The following IGHMBP2 variants were observed in gnomAD, a reference collection of about 807,000 sequenced individuals.
IGHMBP2 encodes the protein immunoglobulin mu DNA binding protein 2.
IGHMBP2 carries 81 observed loss-of-function variants against 96.0 expected under a neutral mutation model. The ratio of observed to expected loss-of-function variants is 0.84; its 90% CI spans 0.71 to 1.01. The LOEUF is 1.01. Ranked by LOEUF, IGHMBP2 falls within the 50% of genes least tolerant of loss-of-function variation. The probability of loss-of-function intolerance (pLI) is 0.00; values close to 1 mark genes in which losing one functional copy is unlikely to be tolerated. For missense variants in IGHMBP2, 1,227 were observed against 1,306.3 expected (o/e 0.94, Z 0.94); for synonymous variants, 557 against 548.9 (o/e 1.01, Z -0.21).
At chr11:68,927,950 C>T (rs955407928) in intron 7 of IGHMBP2, among the ~76,000 whole-genome samples, 3 of 152,182 alleles carry the variant, frequency 2.0e-5, no homozygotes, top group Non-Finnish European at 4.4e-5. Flanking sequence ...TCAGTGCCAC[C>T]GAGCTCCCGT....
Position 68,933,418 on chromosome 11 carries a change from C to T in IGHMBP2, c.1355C>T (p.Ala452Val). Residue 452 changes from alanine (A) to valine (V), a missense_variant, in exon 9 of 15, where the codon GCC becomes GTC. Transcript: ENST00000255078. ...YRMHQAIMRWASDTMYLGQLT... is the reference protein window; with the variant it reads ...YRMHQAIMRWVSDTMYLGQLT... ...ATGCACCAGGCTATCATGCGCTGGGCCTCAGACACCATGTACCTTGGGCAG... is the reference window on the plus strand; with the variant it reads ...ATGCACCAGGCTATCATGCGCTGGGTCTCAGACACCATGTACCTTGGGCAG... The T allele has an allele frequency of 6.2e-7, 1 of 1,613,346 alleles. No homozygotes were observed. The highest frequency in any genetic ancestry group is 8.5e-7 in the Non-Finnish European group (1 of 1,179,924).
intron 5 of IGHMBP2, among the ~76,000 whole-genome samples, chr11:68,912,444 A>T (rs1858476509): frequency 6.6e-6 from 1 of 151,774 alleles, no homozygotes; most frequent in Admixed American, 6.6e-5. Flanking sequence ...TACATTTTTA[A>T]TGGCTGAAAA....
At chr11:68,939,415 G>A (rs547518898) in intron 14 of IGHMBP2, 119 bp from the exon 15 acceptor site, 9 of 1,014,678 alleles carry the variant, frequency 8.9e-6, no homozygotes, top group South Asian at 2.7e-5. Flanking sequence ...CTGACATGGC[G>A]GGAGGAGTGG....
Position 68,937,043 on chromosome 11 carries a change from G to A in IGHMBP2, c.2563G>A (p.Ala855Thr), listed in dbSNP as rs1414095632. 1 of 1,606,590 alleles carries A rather than the reference G, an allele frequency of 6.2e-7. No homozygotes were observed. Among genetic ancestry groups the A allele is most frequent in the Non-Finnish European group, 8.5e-7 (1 of 1,179,954 alleles). The change falls in exon 13 of 15, where the codon GCC (alanine) becomes ACC (threonine). Residue 855 changes from alanine to threonine, a missense_variant. Around this residue, in one of 3 missense-constraint regions of IGHMBP2, gnomAD observed 703 missense variants for 770.3 expected, o/e 0.91. Transcript: ENST00000255078. ...QGQPASKEQQ[A>T]SGQQKLPEKK... ...GCAGCCCGCCAGCAAGGAGCAGCAG[G>A]CCTCAGGGCAGCAGAAACTTCCAGA...
chr11:68,915,971 C>T (rs572805561), intron 6 of IGHMBP2, among the ~76,000 whole-genome samples: 2 of 151,546 alleles, frequency 1.3e-5, no homozygotes, highest in South Asian at 4.2e-4. Context: ...GTCAGGAGTT[C>T]GAGACCAGCC....
At chr11:68,930,420 C>G (rs1408777973) in intron 8 of IGHMBP2, 3 of 1,289,410 alleles carry the variant, frequency 2.3e-6, no homozygotes, top group Non-Finnish European at 3.0e-6. Context: ...GCGTGGGCAG[C>G]CCAGGAGTTG....
At position 68,939,743 on chromosome 11, in the gene IGHMBP2, CT is replaced by C. The variant is rs1307241146; in HGVS notation, c.*14del. Reference sequence around the variant, plus strand: ...AGAGGGGGACGTGACCGGCCGCATCCTTGCACGCCCCGCGGAGCTCTCTCCA... The same window carrying C: ...AGAGGGGGACGTGACCGGCCGCATCCTGCACGCCCCGCGGAGCTCTCTCCA... On this transcript the variant is annotated 3_prime_UTR_variant, in exon 15 of 15. Transcript: ENST00000255078. 6.3e-7 allele frequency: 1 copy of C among 1,599,004 alleles called. No individual in the cohort carries two copies. Among genetic ancestry groups the C allele is most frequent in the African/African-American group, 1.3e-5 (1 of 74,974 alleles).
chr11:68,924,226 C>T (rs981997809), intron 7 of IGHMBP2, among the ~76,000 whole-genome samples: 9 of 152,226 alleles, frequency 5.9e-5, no homozygotes, highest in Non-Finnish European at 1.0e-4. Flanking sequence ...GACGCACATT[C>T]TCTCTTGTAG....
chr11:68,929,135 G>C, intron 7 of IGHMBP2, 48 bp from the exon 8 acceptor site: 2 of 1,575,566 alleles, frequency 1.3e-6, no homozygotes. Context: ...CTGCGCTGTT[G>C]GGAAGCAGCT....
chr11:68,926,958 G>A (rs947958527), intron 7 of IGHMBP2, among the ~76,000 whole-genome samples: 11 of 152,108 alleles, frequency 7.2e-5, no homozygotes, highest in African/African-American at 2.4e-4. Context: ...TAGAGATGGG[G>A]TCACCATGTT....
intron 7 of IGHMBP2, among the ~76,000 whole-genome samples, chr11:68,923,356 C>T (rs1372004721): frequency 1.3e-5 from 2 of 152,092 alleles, no homozygotes; most frequent in East Asian, 3.9e-4. Context: ...GCATGCGCTA[C>T]CATGCCCGGC....
intron 7 of IGHMBP2, 86 bp downstream of exon 7, chr11:68,917,969 T>C: frequency 6.9e-7 from 1 of 1,441,748 alleles, no homozygotes; most frequent in Non-Finnish European, 9.7e-7. Flanking sequence ...AAGAGTTTGT[T>C]TAGAATTGGT....
intron 7 of IGHMBP2, among the ~76,000 whole-genome samples, chr11:68,926,822 G>A (rs112636182): frequency 0.015 from 2,315 of 152,056 alleles, 69 homozygotes; most frequent in African/African-American, 0.053. Context: ...CTGGAGTGCC[G>A]TAGCGTGATC....
chr11:68,914,228 A>G lies in IGHMBP2; in HGVS notation c.712-595A>G, dbSNP rs553179192. Among the ~76,000 whole-genome samples the G allele has an allele frequency of 2.6e-5, 4 of 152,128 alleles. No homozygotes were observed. In the South Asian group the frequency reaches 6.2e-4, roughly 24 times the overall value. ...TCCAAAAACAACTGTCCATGGGACT[A>G]TTGAGCCGGTTTCTCCATGATCCTG... On this transcript the variant is annotated intron_variant, in intron 5 of 14. Transcript: ENST00000255078.
intron 11 of IGHMBP2, among the ~76,000 whole-genome samples, chr11:68,935,042 A>C (rs1434864458): frequency 6.6e-6 from 1 of 152,230 alleles, no homozygotes; most frequent in Non-Finnish European, 1.5e-5. Flanking sequence ...CAGGCATCAC[A>C]CATAGGGCTG....
Position 68,933,877 on chromosome 11 carries a change from C to T in IGHMBP2, c.1501C>T (p.Leu501=). The T allele has an allele frequency of 6.2e-7, 1 of 1,603,518 alleles. No individual in the cohort carries two copies. The highest frequency in any genetic ancestry group is 8.5e-7 in the Non-Finnish European group (1 of 1,174,646). ...CACCGCCGGCTGCGGGCTGTTTGAG[C>T]TGGAGGAGGAGGACGAACAGTCGAA... ...VDTAGCGLFE[L]EEEDEQSKGN... The change falls in exon 10 of 15, where the codon CTG becomes TTG. Residue 501 remains leucine, a synonymous_variant. Coordinates refer to ENST00000255078, the MANE Select transcript of IGHMBP2 (RefSeq NM_002180.3).
rs777663590 is a variant in IGHMBP2 at position 68,936,739 on chromosome 11, C to T, written c.2259C>T (p.His753=). Residue 753 remains histidine, a synonymous_variant, in exon 13 of 15, where the codon CAC becomes CAT. Coordinates refer to ENST00000255078, the MANE Select transcript of IGHMBP2 (RefSeq NM_002180.3). The part of the protein sequence containing the change: ...QLEFPPSLNS[H]DRLRVHQIAE... ...AGTTTCCTCCTTCCCTCAATTCCCA[C>T]GACAGGCTGCGGGTCCACCAAATAG... The T allele has an allele frequency of 1.5e-5, 25 of 1,613,968 alleles. No homozygotes were observed. Among genetic ancestry groups the T allele is most frequent in the South Asian group, 3.3e-5 (3 of 91,094 alleles).
rs34658653 is a variant in IGHMBP2 at position 68,936,301 on chromosome 11, C to T, written c.1821C>T (p.His607=). 8.0e-4 allele frequency: 1,285 copies of T among 1,614,166 alleles called. 5 individuals carry two copies. In the African/African-American group the frequency reaches 0.014, roughly 17 times the overall value. ...INVAVTRARR[H]VAVICDSRTV... ...TGGCTGTCACCCGTGCCCGACGCCA[C>T]GTGGCGGTCATCTGTGACTCCCGTA... Residue 607 remains histidine, a synonymous_variant, in exon 13 of 15, where the codon CAC becomes CAT. Transcript: ENST00000255078.
At chr11:68,913,875 T>C (rs1174807111) in intron 5 of IGHMBP2, among the ~76,000 whole-genome samples, 1 of 152,182 alleles carries the variant, frequency 6.6e-6, no homozygotes. Context: ...GAGTGTGGTC[T>C]AGGTCTTGCT....
Sources: gnomAD v4.1 joint callset for allele counts (sites outside exome capture counted in the v4.1 genomes callset) on GRCh38, gnomAD v4.1.1 for gene constraint, gnomAD v4.1.1 regional missense constraint, MANE v1.5 for transcripts, NCBI Gene and HGNC (gene_info 2026-07-23, HGNC 2026-07-21) for gene names.